EDARADD: variants seen among roughly 807,000 people sequenced by gnomAD.
EDARADD encodes ectodysplasin-A receptor-associated adapter protein.
A neutral mutation model predicts 25.6 loss-of-function variants in EDARADD; 20 were observed. The observed-to-expected ratio is 0.78, with a 90% confidence interval of 0.55 to 1.14. The LOEUF (loss-of-function observed/expected upper bound fraction) is 1.14, where lower values mean the gene tolerates loss of function less well. EDARADD is among the 50% of genes most tolerant of loss of function. The pLI, the probability that EDARADD is intolerant of heterozygous loss-of-function variation, is 0.00. For missense variants in EDARADD, 225 were observed against 270.1 expected (o/e 0.83, Z 1.17); for synonymous variants, 86 against 94.4 (o/e 0.91, Z 0.52).
intron 3 of EDARADD, among the ~76,000 whole-genome samples, chr1:236,362,905 C>G (rs556532999): frequency 6.8e-6 from 1 of 146,918 alleles, no homozygotes; most frequent in African/African-American, 2.5e-5. Flanking sequence ...GTGGCTCATG[C>G]CTGTAATCCC....
At chr1:236,413,259 C>A (rs16833649) in intron 2 of EDARADD, among the ~76,000 whole-genome samples, 6,424 of 152,298 alleles carry the variant, frequency 0.042, 348 homozygotes, top group African/African-American at 0.13. Flanking sequence ...TGGGGTAGAA[C>A]TGTAGGACTA....
chr1:236,484,451 A>G lies in EDARADD; in HGVS notation c.*1802A>G. 1 of 1,609,288 alleles carries G rather than the reference A, an allele frequency of 6.2e-7. No homozygotes were observed. ...CTAAGTTTGCCGGCAGGAACTTCAG[A>G]AACCCCCCAGCCAAGTAAGCTGTGG... On this transcript the variant is annotated 3_prime_UTR_variant, in exon 6 of 6. Transcript: ENST00000334232. This position sits in a 1 kb window ranked among gnomAD's most constrained non-coding sequence, Gnocchi z 4.1.
intron 1 of EDARADD, among the ~76,000 whole-genome samples, chr1:236,402,819 T>G (rs1667636927): frequency 6.6e-6 from 1 of 152,158 alleles, no homozygotes; most frequent in Non-Finnish European, 1.5e-5. Flanking sequence ...CCCTGTGATC[T>G]TGGATACTCA....
intron 4 of EDARADD, among the ~76,000 whole-genome samples, chr1:236,466,092 A>G (rs1031615535): frequency 2.0e-5 from 3 of 152,154 alleles, no homozygotes; most frequent in African/African-American, 7.2e-5. Context: ...AAAATCTGTC[A>G]AGTTCTAACA....
intron 2 of EDARADD, among the ~76,000 whole-genome samples, chr1:236,410,141 G>A (rs990519789): frequency 2.0e-5 from 3 of 151,782 alleles, no homozygotes; most frequent in Admixed American, 6.6e-5. Flanking sequence ...GCTTTGTTAC[G>A]TGGATGCATA....
intron 4 of EDARADD, among the ~76,000 whole-genome samples, chr1:236,435,578 T>C (rs1571933297): frequency 6.6e-6 from 1 of 152,204 alleles, no homozygotes; most frequent in Non-Finnish European, 1.5e-5. Flanking sequence ...CAAGATGTCA[T>C]TGGATTTACT....
At chr1:236,371,370 A>T (rs1194010880) in intron 3 of EDARADD, among the ~76,000 whole-genome samples, 6 of 152,164 alleles carry the variant, frequency 3.9e-5, no homozygotes, top group African/African-American at 1.4e-4. Flanking sequence ...CCATCATGTT[A>T]TCTGCAAAGA....
At chr1:236,403,786 C>T (rs1667658801) in intron 1 of EDARADD, among the ~76,000 whole-genome samples, 1 of 152,232 alleles carries the variant, frequency 6.6e-6, no homozygotes, top group African/African-American at 2.4e-5. Context: ...CTGCTCTCAC[C>T]CGCAGCCTCT....
At chr1:236,377,913 G>T (rs1489282480) in intron 3 of EDARADD, among the ~76,000 whole-genome samples, 4 of 152,156 alleles carry the variant, frequency 2.6e-5, no homozygotes, top group Non-Finnish European at 4.4e-5. Context: ...CTTTTAGTAT[G>T]TCTTATAATT....
intron 3 of EDARADD, among the ~76,000 whole-genome samples, chr1:236,377,716 G>A (rs1667240361): frequency 6.6e-6 from 1 of 151,500 alleles, no homozygotes; most frequent in African/African-American, 2.4e-5. Context: ...AAATTAGCTG[G>A]GCATGGTGGC....
chr1:236,353,877 C>A (rs1466959014), intron 3 of EDARADD, among the ~76,000 whole-genome samples: 1 of 151,894 alleles, frequency 6.6e-6, no homozygotes, highest in Non-Finnish European at 1.5e-5. Flanking sequence ...ACAGCTCTTT[C>A]CTTAAAAAAA....
chr1:236,477,804 G>A (rs1478903011), intron 5 of EDARADD, among the ~76,000 whole-genome samples: 1 of 151,794 alleles, frequency 6.6e-6, no homozygotes, highest in African/African-American at 2.4e-5. Context: ...AATACTTGGT[G>A]CTGACAAAGG....
Position 236,484,710 on chromosome 1 carries a change from A to C in EDARADD, c.*2061A>C. 3 of 72,760 alleles carry C rather than the reference A, an allele frequency of 4.1e-5. No individual in the cohort carries two copies. Among genetic ancestry groups the C allele is most frequent in the Non-Finnish European group, 3.9e-5 (1 of 25,580 alleles). The allele number at this position is 72,760 out of a possible 1,614,324, so 4.5% of individuals were successfully genotyped here. On this transcript the variant is annotated 3_prime_UTR_variant, in exon 6 of 6. Transcript: ENST00000334232. The surrounding 1 kb of genome is among the most constrained non-coding windows in gnomAD (Gnocchi z 4.1). ...AGACAGAGTGAGAGTCCGTCCCAGA[A>C]AAAAAAAAAAAAAAAAAGAACTTCT...
At chr1:236,366,773 C>T (rs1165942989) in intron 3 of EDARADD, among the ~76,000 whole-genome samples, 1 of 140,252 alleles carries the variant, frequency 7.1e-6, no homozygotes, top group African/African-American at 2.6e-5. Flanking sequence ...CATTTTTCAC[C>T]TTTGCTTAAT....
chr1:236,409,141 G>A (rs1262153002), intron 1 of EDARADD, 75 bp from the exon 2 acceptor site: 2 of 1,045,438 alleles, frequency 1.9e-6, no homozygotes, highest in African/African-American at 1.6e-5. Context: ...TATAGAGACA[G>A]TTATCAAAGG....
intron 4 of EDARADD, among the ~76,000 whole-genome samples, chr1:236,463,082 A>G (rs747185630): frequency 1.3e-5 from 2 of 152,168 alleles, no homozygotes; most frequent in Non-Finnish European, 2.9e-5. Context: ...TCATAGATTA[A>G]TCTAATTTAG....
At chr1:236,408,715 C>G (rs145935214) in intron 1 of EDARADD, among the ~76,000 whole-genome samples, 2 of 151,940 alleles carry the variant, frequency 1.3e-5, no homozygotes, top group Admixed American at 6.6e-5. Flanking sequence ...TGAGTGTACT[C>G]CAGCCTGGGC....
intron 4 of EDARADD, among the ~76,000 whole-genome samples, chr1:236,454,194 T>C (rs1658788673): frequency 6.6e-6 from 1 of 152,162 alleles, no homozygotes; most frequent in African/African-American, 2.4e-5. Context: ...TACAGGCGTA[T>C]GCTACCACAC....
chr1:236,452,798 C>G (rs1257251740), intron 4 of EDARADD, among the ~76,000 whole-genome samples: 1 of 152,134 alleles, frequency 6.6e-6, no homozygotes, highest in Non-Finnish European at 1.5e-5. Context: ...CATGTACACA[C>G]CACTGTCCTC....
Sources: allele counts gnomAD v4.1 joint callset (sites outside exome capture counted in the v4.1 genomes callset), GRCh38; gene constraint gnomAD v4.1.1; non-coding constraint Gnocchi (gnomAD v3.1); transcripts MANE v1.5; gene names NCBI Gene and HGNC (gene_info 2026-07-23, HGNC 2026-07-21).